EFEMP1: variants seen among roughly 807,000 people sequenced by gnomAD.
The protein encoded by EFEMP1 is EGF-containing fibulin-like extracellular matrix protein 1.
EFEMP1 carries 18 observed loss-of-function variants against 65.7 expected under a neutral mutation model. The observed-to-expected ratio is 0.27, with a 90% CI of 0.19 to 0.41. The LOEUF (loss-of-function observed/expected upper bound fraction) is 0.41. Ranked by LOEUF, EFEMP1 falls within the 10% of genes least tolerant of loss-of-function variation. EFEMP1 has a pLI of 1.00. For missense variants in EFEMP1, 469 were observed against 624.8 expected (o/e 0.75, Z 2.66); for synonymous variants, 237 against 219.7 (o/e 1.08, Z -0.70).
In EFEMP1 at chr2:55,886,154, T is replaced by C. The variant is rs1052609885; in HGVS notation, c.518-4420A>G. Among the ~76,000 whole-genome samples, 1 of 152,232 alleles carries C rather than the reference T, an allele frequency of 6.6e-6. No individual in the cohort carries two copies. Among genetic ancestry groups the C allele is most frequent in the Non-Finnish European group, 1.5e-5 (1 of 68,038 alleles). On this transcript the variant is annotated intron_variant, in intron 5 of 11. Coordinates refer to ENST00000355426, the MANE Select transcript of EFEMP1 (RefSeq NM_001039348.3). This position sits in a 1 kb window ranked among gnomAD's most constrained non-coding sequence, Gnocchi z 4.0. ...GCACTAGTAATAGGACAAAGAAGACTGAAATTATTTTGAATCTGTCACTCC... is the reference window on the plus strand; with the variant it reads ...GCACTAGTAATAGGACAAAGAAGACCGAAATTATTTTGAATCTGTCACTCC...
At chr2:55,914,120 G>A (rs1471153815) in intron 5 of EFEMP1, among the ~76,000 whole-genome samples, 1 of 151,854 alleles carries the variant, frequency 6.6e-6, no homozygotes, top group Non-Finnish European at 1.5e-5. Flanking sequence ...GTGTAGATGA[G>A]TATCTGTTGT....
At chr2:55,910,421 G>A (rs1216012853) in intron 5 of EFEMP1, among the ~76,000 whole-genome samples, 1 of 152,180 alleles carries the variant, frequency 6.6e-6, no homozygotes. Flanking sequence ...GTACATTCAT[G>A]TAAAATCAAA....
intron 5 of EFEMP1, among the ~76,000 whole-genome samples, chr2:55,910,497 C>A (rs545193149): frequency 3.3e-5 from 5 of 152,296 alleles, no homozygotes; most frequent in African/African-American, 7.2e-5. Flanking sequence ...CAATTCAACA[C>A]GTGCAAAGGC....
chr2:55,888,999 C>G (rs1268811795), intron 5 of EFEMP1, among the ~76,000 whole-genome samples: 1 of 152,196 alleles, frequency 6.6e-6, no homozygotes, highest in African/African-American at 2.4e-5. Context: ...GAGTGATGAA[C>G]TGAATGGAGA....
chr2:55,914,565 C>T (rs1017796168), intron 5 of EFEMP1, among the ~76,000 whole-genome samples: 5 of 151,896 alleles, frequency 3.3e-5, no homozygotes, highest in African/African-American at 1.2e-4. Flanking sequence ...TTCAAAGGCA[C>T]AATTGATTTG....
rs55817415 is a variant in EFEMP1, at chr2:55,873,066, C to CACACACACACACA, written c.1000+1879_1000+1880insTGTGTGTGTGTGT. Among the ~76,000 whole-genome samples the CACACACACACACA allele has an allele frequency of 2.8e-5, 4 of 145,402 alleles. No individual in the cohort carries two copies. The highest frequency in any genetic ancestry group is 2.3e-4 in the South Asian group (1 of 4,398). On this transcript the variant is annotated intron_variant, in intron 9 of 11. Transcript: ENST00000355426. This position sits in a 1 kb window ranked among gnomAD's most constrained non-coding sequence, Gnocchi z 4.6. ...TTCTTTTGTCTCTCTGTCTCTCTCT[C>CACACACACACACA]CACACACACACACACACACACACAC...
Position 55,870,636 on chromosome 2 carries a change from G to A in EFEMP1, c.1320+84C>T. On this transcript the variant is annotated intron_variant, in intron 11 of 11. Transcript: ENST00000355426. This position sits in a 1 kb window ranked among gnomAD's most constrained non-coding sequence, Gnocchi z 5.8. ...AATGTTTGCTTTCCTTCCACATGTG[G>A]ATACCACACAACAACAACAACAACA... 1.3e-6 allele frequency: 2 copies of A among 1,535,652 alleles called. No homozygotes were observed. Among genetic ancestry groups the A allele is most frequent in the Non-Finnish European group, 9.0e-7 (1 of 1,115,398 alleles).
chr2:55,889,559 A>C (rs1265995086), intron 5 of EFEMP1, among the ~76,000 whole-genome samples: 4 of 152,212 alleles, frequency 2.6e-5, no homozygotes, highest in African/African-American at 9.6e-5. Context: ...CAGCACAATA[A>C]AAAGAATAAA....
At position 55,917,508 on chromosome 2, in the gene EFEMP1, ACCC is replaced by A. The variant is rs1670740147; in HGVS notation, c.517+154_517+156del. ...AGCAATGATGACAACTACAGCAACT[ACCC>A]TTTAGGAATATTGTGATGATTAAAT... On this transcript the variant is annotated intron_variant, in intron 5 of 11. Coordinates refer to ENST00000355426, the MANE Select transcript of EFEMP1 (RefSeq NM_001039348.3). The surrounding 1 kb of genome is among the most constrained non-coding windows in gnomAD (Gnocchi z 6.3). 6.6e-6 allele frequency among the ~76,000 whole-genome samples: 1 copy of A among 152,172 alleles called. No homozygotes were observed. Among genetic ancestry groups the A allele is most frequent in the Non-Finnish European group, 1.5e-5 (1 of 68,036 alleles).
Position 55,871,348 on chromosome 2 carries a change from A to G in EFEMP1, c.1001-225T>C, listed in dbSNP as rs971353680. On this transcript the variant is annotated intron_variant, in intron 9 of 11. Coordinates refer to ENST00000355426, the MANE Select transcript of EFEMP1 (RefSeq NM_001039348.3). The surrounding 1 kb of genome is among the most constrained non-coding windows in gnomAD (Gnocchi z 4.2). ...AATATGTGTCATTTCATGATATTTT[A>G]TCAAGCACCTATTGTTCATCTGTTG... 6.6e-6 allele frequency among the ~76,000 whole-genome samples: 1 copy of G among 152,138 alleles called. No homozygotes were observed. Among genetic ancestry groups the G allele is most frequent in the Non-Finnish European group, 1.5e-5 (1 of 68,022 alleles).
At chr2:55,868,838 C>T (rs114602494) in intron 11 of EFEMP1, among the ~76,000 whole-genome samples, 2,999 of 152,150 alleles carry the variant, frequency 0.02, 55 homozygotes, top group South Asian at 0.079. Context: ...CTTAATTAAC[C>T]GAATTAATTA....
chr2:55,906,453 A>G (rs1208266719), intron 5 of EFEMP1, among the ~76,000 whole-genome samples: 2 of 152,096 alleles, frequency 1.3e-5, no homozygotes, highest in Non-Finnish European at 2.9e-5. Context: ...CGAACTCCTG[A>G]CCTCAAGTGA....
chr2:55,904,966 C>CTTTTTTTTTTTTTT lies in EFEMP1; in HGVS notation c.517+12698_517+12699insAAAAAAAAAAAAAA, dbSNP rs796758221. ...TTTCTTCTCTTCTAAGGGATAGTGG[C>CTTTTTTTTTTTTTT]TTTTTTTTTTTTCTTTTTCTTTTTT... is the stretch of plus-strand genomic sequence containing the variant. On this transcript the variant is annotated intron_variant, in intron 5 of 11. Transcript: ENST00000355426. 2.1e-3 allele frequency among the ~76,000 whole-genome samples: 150 copies of CTTTTTTTTTTTTTT among 70,532 alleles called. 13 individuals carry two copies. The highest frequency in any genetic ancestry group is 0.014 in the African/African-American group (142 of 10,078). 46.3% of individuals were successfully genotyped at this position (70,532 alleles called of 152,430 possible). A position where few individuals can be genotyped will look rare whatever the true frequency, so the allele number is the denominator to read the frequency against.
intron 5 of EFEMP1, among the ~76,000 whole-genome samples, chr2:55,908,834 A>T (rs1670379047): frequency 1.3e-5 from 2 of 152,198 alleles, no homozygotes; most frequent in South Asian, 4.1e-4. Flanking sequence ...AGATTTCTGA[A>T]AAAGGATGTA....
chr2:55,889,526 G>T (rs7572595), intron 5 of EFEMP1, among the ~76,000 whole-genome samples: 4,273 of 151,944 alleles, frequency 0.028, 197 homozygotes, highest in African/African-American at 0.095. Context: ...TCTTTTTTCT[G>T]TTCTCTTTTT....
intron 5 of EFEMP1, among the ~76,000 whole-genome samples, chr2:55,890,503 C>A (rs1312112680): frequency 6.6e-6 from 1 of 151,984 alleles, no homozygotes; most frequent in Non-Finnish European, 1.5e-5. Context: ...GAATACATAG[C>A]CTTTTTAAAT....
At position 55,907,247 on chromosome 2, in the gene EFEMP1, G is replaced by A. The variant is rs144683996; in HGVS notation, c.517+10418C>T. ...CCTACTGAAAATAATGTGTGCACATGTTTGTACATATGCATGTGTATAGGC... is the reference window on the plus strand; with the variant it reads ...CCTACTGAAAATAATGTGTGCACATATTTGTACATATGCATGTGTATAGGC... On this transcript the variant is annotated intron_variant, in intron 5 of 11. Transcript: ENST00000355426. Among the ~76,000 whole-genome samples, 342 of 152,312 alleles carry A rather than the reference G, an allele frequency of 2.2e-3. 1 individual carries two copies. The highest frequency in any genetic ancestry group is 8.0e-3 in the African/African-American group (331 of 41,576).
At position 55,923,635 on chromosome 2, in the gene EFEMP1, C is replaced by A; in HGVS notation, c.-49+76G>T. 1 of 985,760 alleles carries A rather than the reference C, an allele frequency of 1.0e-6. No homozygotes were observed. The highest frequency in any genetic ancestry group is 1.2e-6 in the Non-Finnish European group (1 of 830,214). The allele number at this position is 985,760 out of a possible 1,614,324, so 61.1% of individuals were successfully genotyped here. On this transcript the variant is annotated intron_variant, in intron 1 of 11. Coordinates refer to ENST00000355426, the MANE Select transcript of EFEMP1 (RefSeq NM_001039348.3). The surrounding 1 kb of genome is among the most constrained non-coding windows in gnomAD (Gnocchi z 5.3). ...CGGGTACTCAACACCCCTCAGCTCA[C>A]CCCACCTCACTCTCCCGCGCGCGGC...
At position 55,885,175 on chromosome 2, in the gene EFEMP1, T is replaced by G. The variant is rs1265099635; in HGVS notation, c.518-3441A>C. Among the ~76,000 whole-genome samples, 1 of 152,192 alleles carries G rather than the reference T, an allele frequency of 6.6e-6. No homozygotes were observed. Among genetic ancestry groups the G allele is most frequent in the East Asian group, 1.9e-4 (1 of 5,194 alleles). ...TCGCCAGAAGAGGTGGGTTCTCCAC[T>G]GCATTTTGAAGAAGACGAGATACAT... On this transcript the variant is annotated intron_variant, in intron 5 of 11. Coordinates refer to ENST00000355426, the MANE Select transcript of EFEMP1 (RefSeq NM_001039348.3). The surrounding 1 kb of genome is among the most constrained non-coding windows in gnomAD (Gnocchi z 4.3).
Sources: allele counts gnomAD v4.1 joint callset (sites outside exome capture counted in the v4.1 genomes callset), GRCh38; gene constraint gnomAD v4.1.1; non-coding constraint Gnocchi (gnomAD v3.1); transcripts MANE v1.5; gene names NCBI Gene and HGNC (gene_info 2026-07-23, HGNC 2026-07-21).